The following NR2C1 variants were observed in gnomAD, a reference collection of about 807,000 sequenced individuals.
The protein encoded by NR2C1 is TR2 nuclear hormone receptor.
NR2C1 carries 33 observed loss-of-function variants against 74.8 expected under a neutral mutation model. The ratio of observed to expected loss-of-function variants is 0.44; its 90% CI spans 0.33 to 0.59. The LOEUF (loss-of-function observed/expected upper bound fraction) is 0.59. NR2C1 is among the 20% of genes least tolerant of loss of function. The pLI is 0.02. For missense variants in NR2C1, 568 were observed against 715.6 expected (o/e 0.79, Z 2.35); for synonymous variants, 225 against 240.6 (o/e 0.94, Z 0.60).
chr12:95,032,884 C>G (rs1339174064), intron 10 of NR2C1, among the ~76,000 whole-genome samples: 2 of 152,050 alleles, frequency 1.3e-5, no homozygotes, highest in East Asian at 3.9e-4. Context: ...GGAGGATCAC[C>G]TAAGCCTGGG....
At chr12:95,054,346 C>T (rs982292719) in intron 7 of NR2C1, among the ~76,000 whole-genome samples, 2 of 150,930 alleles carry the variant, frequency 1.3e-5, no homozygotes, top group African/African-American at 4.9e-5. Context: ...ACACTCCTAT[C>T]GCCTAGACTG....
At chr12:95,053,618 C>T (rs1362481946) in intron 7 of NR2C1, among the ~76,000 whole-genome samples, 1 of 151,070 alleles carries the variant, frequency 6.6e-6, no homozygotes, top group Non-Finnish European at 1.5e-5. Context: ...CTATGGCCTA[C>T]TGGGCCAACC....
Position 95,057,524 on chromosome 12 carries a change from A to T in NR2C1, c.783+29T>A, listed in dbSNP as rs778015083. On this transcript the variant is annotated intron_variant, in intron 7 of 13. Coordinates refer to ENST00000333003, the MANE Select transcript of NR2C1 (RefSeq NM_003297.4). ...AAAACATTTTAAAATGCTTAAAATT[A>T]TCTAAGCTTTAAATTGTACTAAACA... 5 of 1,482,752 alleles carry T rather than the reference A, an allele frequency of 3.4e-6. No homozygotes were observed. The South Asian group carries it at 6.1e-5, about 18-fold the overall frequency. The allele number at this position is 1,482,752 out of a possible 1,614,324, so 91.8% of individuals were successfully genotyped here.
At chr12:95,068,503 T>C (rs1431057156) in intron 1 of NR2C1, among the ~76,000 whole-genome samples, 3 of 151,940 alleles carry the variant, frequency 2.0e-5, no homozygotes, top group Admixed American at 2.0e-4. Context: ...GACAAGAAAA[T>C]CTACACTTGG....
intron 9 of NR2C1, among the ~76,000 whole-genome samples, chr12:95,048,371 G>A (rs995840913): frequency 6.6e-6 from 1 of 152,210 alleles, no homozygotes; most frequent in Non-Finnish European, 1.5e-5. Flanking sequence ...AACAAAAGCA[G>A]TCCATTCAAC....
At chr12:95,030,567 G>A in intron 11 of NR2C1, 3 of 1,613,118 alleles carry the variant, frequency 1.9e-6, no homozygotes, top group Non-Finnish European at 2.5e-6. Context: ...AGTAAGATGG[G>A]AATGTGATGC....
At chr12:95,031,249 CTAATA>C (rs1870067581) in intron 11 of NR2C1, 95 bp downstream of exon 11, 1 of 994,296 alleles carries the variant, frequency 1.0e-6, no homozygotes, top group Non-Finnish European at 1.4e-6. Context: ...ACCTAAAACA[CTAATA>C]TAATAATTAT....
intron 10 of NR2C1, among the ~76,000 whole-genome samples, chr12:95,039,756 A>T (rs1013699470): frequency 6.6e-6 from 1 of 152,196 alleles, no homozygotes; most frequent in Non-Finnish European, 1.5e-5. Flanking sequence ...CTTAGCCTCT[A>T]GAGTAGCTGG....
At chr12:95,022,700 A>ATTT (rs373684275) in intron 13 of NR2C1, among the ~76,000 whole-genome samples, 26,591 of 143,212 alleles carry the variant, frequency 0.19, 2,624 homozygotes, top group Non-Finnish European at 0.22. Context: ...AAGTTATACA[A>ATTT]TTTTTTTTTT....
At chr12:95,064,988 C>T (rs1005356968) in intron 2 of NR2C1, among the ~76,000 whole-genome samples, 5 of 152,120 alleles carry the variant, frequency 3.3e-5, no homozygotes, top group African/African-American at 4.8e-5. Context: ...GAGCATTTGG[C>T]GCATTCATGG....
At chr12:95,073,122 C>G (rs117183946) in intron 1 of NR2C1, 8 of 152,560 alleles carry the variant, frequency 5.2e-5, no homozygotes, top group Admixed American at 2.0e-4. Context: ...CCAAGCCGCT[C>G]GCCGTCCGGC....
At chr12:95,033,601 T>A (rs1453139022) in intron 10 of NR2C1, among the ~76,000 whole-genome samples, 1 of 151,954 alleles carries the variant, frequency 6.6e-6, no homozygotes, top group East Asian at 1.9e-4. Context: ...GGTCCTTTCG[T>A]AGCCTTGTTT....
intron 4 of NR2C1, 37 bp downstream of exon 4, chr12:95,059,869 T>G: frequency 6.9e-7 from 1 of 1,459,150 alleles, no homozygotes; most frequent in Non-Finnish European, 9.3e-7. Flanking sequence ...GAGGTTATTT[T>G]TTTTTTCTGT....
At position 95,022,235 on chromosome 12, in the gene NR2C1, G is replaced by A. The variant is rs769336871; in HGVS notation, c.1806C>T (p.Ser602=). Residue 602 remains serine, a synonymous_variant, in exon 14 of 14, where the codon AGC becomes AGT. Transcript: ENST00000333003. ...ADYNSQIIGH[S]I ...AGCACTGCAGTCACAGTTTTCAAAT[G>A]CTGTGACCAATTATTTGAGAGTTAT... 8.1e-6 allele frequency: 13 copies of A among 1,608,824 alleles called. No individual in the cohort carries two copies. In the Admixed American group the frequency reaches 1.9e-4, roughly 23 times the overall value.
rs2136120204 is a variant in NR2C1, at chr12:95,038,417, T to G, written c.1253+2059A>C. 2.6e-5 allele frequency among the ~76,000 whole-genome samples: 4 copies of G among 152,346 alleles called. No individual in the cohort carries two copies. The South Asian group carries it at 8.3e-4, about 32-fold the overall frequency. ...ATCACCACGTTACTTTTTAGACATGTGAATGTGAGTTACAAGATGAGTGAA... is the reference window on the plus strand; with the variant it reads ...ATCACCACGTTACTTTTTAGACATGGGAATGTGAGTTACAAGATGAGTGAA... On this transcript the variant is annotated intron_variant, in intron 10 of 13. Coordinates refer to ENST00000333003, the MANE Select transcript of NR2C1 (RefSeq NM_003297.4).
At chr12:95,057,424 T>TAAA in intron 7 of NR2C1, 129 bp downstream of exon 7, 1 of 528,628 alleles carries the variant, frequency 1.9e-6, no homozygotes, top group Non-Finnish European at 3.1e-6. Context: ...TAATTTATAT[T>TAAA]AAAAAAAAAA....
At chr12:95,040,244 T>G (rs1176453270) in intron 10 of NR2C1, among the ~76,000 whole-genome samples, 1 of 152,180 alleles carries the variant, frequency 6.6e-6, no homozygotes, top group Non-Finnish European at 1.5e-5. Flanking sequence ...ACTGATCATA[T>G]TCCATCCAAA....
intron 11 of NR2C1, among the ~76,000 whole-genome samples, chr12:95,030,153 G>T (rs1418146026): frequency 6.6e-6 from 1 of 152,194 alleles, no homozygotes; most frequent in East Asian, 1.9e-4. Flanking sequence ...AATTACAGGT[G>T]TGAACCACCC....
At chr12:95,028,306 C>A in intron 12 of NR2C1, 81 bp downstream of exon 12, 1 of 1,170,710 alleles carries the variant, frequency 8.5e-7, no homozygotes, top group East Asian at 2.5e-5. Flanking sequence ...ATTTTACATC[C>A]CCACTTGCAA....
Sources: gnomAD v4.1 joint callset for allele counts (sites outside exome capture counted in the v4.1 genomes callset) on GRCh38, gnomAD v4.1.1 for gene constraint, MANE v1.5 for transcripts, NCBI Gene and HGNC (gene_info 2026-07-23, HGNC 2026-07-21) for gene names.